The following NAPG variants were observed in gnomAD, a reference collection of about 807,000 sequenced individuals.
NAPG encodes gamma-soluble NSF attachment protein.
NAPG carries 25 observed loss-of-function variants against 48.4 expected under a neutral mutation model. The ratio of observed to expected loss-of-function variants is 0.52; its 90% CI spans 0.38 to 0.72. NAPG has a LOEUF of 0.72. NAPG is among the 30% of genes least tolerant of loss of function. The probability of loss-of-function intolerance (pLI) is 0.00; values close to 1 mark genes in which losing one functional copy is unlikely to be tolerated. For synonymous variants in NAPG, 139 were observed against 127.2 expected (o/e 1.09, Z -0.62); for missense variants, 359 against 372.5 (o/e 0.96, Z 0.30).
At position 10,533,228 on chromosome 18, in the gene NAPG, A is replaced by G. The variant is rs961664384; in HGVS notation, c.210-308A>G. On this transcript the variant is annotated intron_variant, in intron 3 of 11. Transcript: ENST00000322897. ...TTCTTGAGGTGTTTGCAAACTTATC[A>G]ATAAAAAATGTTTCTCTTATTTGCA... 28 of 298,498 alleles carry G rather than the reference A, an allele frequency of 9.4e-5. No individual in the cohort carries two copies. In the East Asian group the frequency reaches 1.5e-3, roughly 16 times the overall value. 18.5% of individuals were successfully genotyped at this position (298,498 alleles called of 1,614,324 possible). A position where few individuals can be genotyped will look rare whatever the true frequency, so the allele number is the denominator to read the frequency against.
chr18:10,539,345 C>T lies in NAPG; in HGVS notation c.259-417C>T, dbSNP rs1243993762. Reference sequence around the variant, plus strand: ...ATGCAGCTGTAAAAAAGAATGAGATCATGTCCTTTGCAGGGACATGGATGA... The same window carrying T: ...ATGCAGCTGTAAAAAAGAATGAGATTATGTCCTTTGCAGGGACATGGATGA... On this transcript the variant is annotated intron_variant, in intron 5 of 11. Coordinates refer to ENST00000322897, the MANE Select transcript of NAPG (RefSeq NM_003826.3). This position sits in a 1 kb window ranked among gnomAD's most constrained non-coding sequence, Gnocchi z 4.7. The T allele has an allele frequency of 5.6e-6, 1 of 179,664 alleles. No homozygotes were observed. Among genetic ancestry groups the T allele is most frequent in the Non-Finnish European group, 1.2e-5 (1 of 84,590 alleles). The allele number at this position is 179,664 out of a possible 1,614,324, so 11.1% of individuals were successfully genotyped here.
At chr18:10,538,446 TACTGCATGGATCAAGCAAAACAC>T (rs1411376882) in intron 5 of NAPG, among the ~76,000 whole-genome samples, 1 of 152,198 alleles carries the variant, frequency 6.6e-6, no homozygotes, top group African/African-American at 2.4e-5. Flanking sequence ...AATTTAAAAA[TACTGCATGGATCAAGCAAAACAC>T]ACTTGGAAGT....
intron 1 of NAPG, 80 bp downstream of exon 1, chr18:10,526,238 G>GCCCTCCCCC: frequency 7.0e-6 from 6 of 858,050 alleles, no homozygotes; most frequent in East Asian, 6.6e-5. Context: ...CCCGGGGGGG[G>GCCCTCCCCC]CGGGAGGGAG....
intron 5 of NAPG, among the ~76,000 whole-genome samples, chr18:10,538,745 T>C (rs1260079529): frequency 6.6e-6 from 1 of 152,242 alleles, no homozygotes; most frequent in African/African-American, 2.4e-5. Flanking sequence ...TAAATATCTT[T>C]ATTGCTATAC....
At chr18:10,526,504 C>T in intron 1 of NAPG, 2 of 291,904 alleles carry the variant, frequency 6.9e-6, no homozygotes, top group Non-Finnish European at 1.3e-5. Flanking sequence ...ATCGGAGGCT[C>T]GTTAGCAGCA....
intron 5 of NAPG, among the ~76,000 whole-genome samples, chr18:10,535,145 T>C (rs1370677262): frequency 3.3e-5 from 5 of 152,250 alleles, no homozygotes; most frequent in African/African-American, 1.2e-4. Context: ...TCTAAAATGG[T>C]AAAAGCTACT....
At chr18:10,538,835 GT>G (rs375389675) in intron 5 of NAPG, among the ~76,000 whole-genome samples, 8,489 of 149,076 alleles carry the variant, frequency 0.057, 700 homozygotes, top group African/African-American at 0.19. Flanking sequence ...TTTTGATTGG[GT>G]TTTTTTTTTC....
chr18:10,530,568 G>A (rs141475023), intron 1 of NAPG, among the ~76,000 whole-genome samples: 164 of 152,116 alleles, frequency 1.1e-3, no homozygotes, highest in African/African-American at 4.0e-3. Context: ...GGAAAACCAC[G>A]TACCTGTGAC....
In NAPG at chr18:10,530,829, GA is replaced by G; in HGVS notation, c.120del (p.Ala41GlnfsTer19). The part of the protein sequence containing the change: ...PDYDSAASEY[G>X]KAAVAFKNAK... The stretch of plus-strand genomic sequence containing the variant: ...TATGACAGTGCCGCTTCTGAATATG[GA>G]AAAGCAGGTATTTTTGACTATAGTC... On this transcript the variant is annotated frameshift_variant, in exon 2 of 12. Coordinates refer to ENST00000322897, the MANE Select transcript of NAPG (RefSeq NM_003826.3). LOFTEE classifies it high-confidence loss of function. The G allele has an allele frequency of 6.3e-7, 1 of 1,581,970 alleles. No individual in the cohort carries two copies. The highest frequency in any genetic ancestry group is 8.6e-7 in the Non-Finnish European group (1 of 1,165,538).
Position 10,526,503 on chromosome 18 carries a change from T to C in NAPG, c.56+345T>C, listed in dbSNP as rs1035837817. ...TGGGGGCTGTCTGTGCATCGGAGGC[T>C]CGTTAGCAGCATCCTTGGCCTCTAC... On this transcript the variant is annotated intron_variant, in intron 1 of 11. Transcript: ENST00000322897. 1.4e-5 allele frequency: 4 copies of C among 294,538 alleles called. No homozygotes were observed. In the East Asian group the frequency reaches 3.0e-4, roughly 22 times the overall value. The allele number at this position is 294,538 out of a possible 1,614,324, so 18.2% of individuals were successfully genotyped here.
intron 1 of NAPG, among the ~76,000 whole-genome samples, chr18:10,530,188 C>CTTTTTTT (rs58597079): frequency 4.5e-5 from 3 of 67,332 alleles, no homozygotes; most frequent in Admixed American, 1.8e-4. Context: ...CGAGTTTTCA[C>CTTTTTTT]TTTTTTTTTT....
rs374201586 is a variant in NAPG at position 10,546,751 on chromosome 18, AG to A, written c.585+348del. Among the ~76,000 whole-genome samples the A allele has an allele frequency of 4.6e-4, 70 of 152,292 alleles. No homozygotes were observed. The highest frequency in any genetic ancestry group is 1.5e-3 in the African/African-American group (62 of 41,550). ...TTGCAGCATTCATTGCCCTGCCCTG[AG>A]AGAAGCCCACAGTTGTGGAGCTGGG... On this transcript the variant is annotated intron_variant, in intron 9 of 11. Transcript: ENST00000322897. This position sits in a 1 kb window ranked among gnomAD's most constrained non-coding sequence, Gnocchi z 4.0.
At chr18:10,533,591 T>C (rs2031974152) in intron 4 of NAPG, 38 bp downstream of exon 4, 3 of 1,552,846 alleles carry the variant, frequency 1.9e-6, no homozygotes, top group Admixed American at 3.8e-5. Flanking sequence ...TTGCAAATTA[T>C]GTTTTAAATG....
Position 10,539,963 on chromosome 18 carries a change from A to T in NAPG, c.369-25A>T. On this transcript the variant is annotated intron_variant, in intron 6 of 11. Transcript: ENST00000322897. The surrounding 1 kb of genome is among the most constrained non-coding windows in gnomAD (Gnocchi z 4.7). ...AAACAAGTTTTCCATTTCTCATATA[A>T]GACATGTTTTCTTGTCTGATTCAGG... 6.2e-7 allele frequency: 1 copy of T among 1,607,826 alleles called. No individual in the cohort carries two copies. Among genetic ancestry groups the T allele is most frequent in the South Asian group, 1.1e-5 (1 of 90,330 alleles).
chr18:10,528,553 G>A (rs2031866312), intron 1 of NAPG, among the ~76,000 whole-genome samples: 1 of 152,234 alleles, frequency 6.6e-6, no homozygotes, highest in Non-Finnish European at 1.5e-5. Context: ...GTCGACTTCA[G>A]GGGAGAGGTG....
intron 1 of NAPG, among the ~76,000 whole-genome samples, chr18:10,527,067 A>G (rs2031830823): frequency 6.6e-6 from 1 of 151,916 alleles, no homozygotes; most frequent in Non-Finnish European, 1.5e-5. Flanking sequence ...GGGCGCCTGT[A>G]GTCCCAGCTA....
chr18:10,531,276 A>G (rs2031922915), intron 2 of NAPG, among the ~76,000 whole-genome samples: 1 of 152,158 alleles, frequency 6.6e-6, no homozygotes, highest in South Asian at 2.1e-4. Context: ...TCTTTTATGA[A>G]CCTCACTTTG....
chr18:10,539,853 C>T lies in NAPG; in HGVS notation c.350C>T (p.Ala117Val), dbSNP rs775659634. 4.3e-6 allele frequency: 7 copies of T among 1,613,972 alleles called. No homozygotes were observed. In the East Asian group the frequency reaches 1.6e-4, roughly 36 times the overall value. The change falls in exon 6 of 12, where the codon GCT (alanine) becomes GTT (valine). Residue 117 changes from alanine (A) to valine (V), a missense_variant. Coordinates refer to ENST00000322897, the MANE Select transcript of NAPG (RefSeq NM_003826.3). The surrounding 1 kb of genome is among the most constrained non-coding windows in gnomAD (Gnocchi z 4.7). ...ENGTPDTAAM[A>V]LERAGKLIEN... Reference sequence around the variant, plus strand: ...GGCACCCCAGACACAGCAGCCATGGCTTTGGAGCGAGCTGGAAAGTGAGTG... The same window carrying T: ...GGCACCCCAGACACAGCAGCCATGGTTTTGGAGCGAGCTGGAAAGTGAGTG...
rs1333106427 is a variant in NAPG, at chr18:10,534,602, A to G, written c.258+106A>G. ...TGAAAAGCTTCCTTACTGTAAGGCA[A>G]GAGGTGCTAAGTTAAGATTTTCTGT... On this transcript the variant is annotated intron_variant, in intron 5 of 11. Transcript: ENST00000322897. This position sits in a 1 kb window ranked among gnomAD's most constrained non-coding sequence, Gnocchi z 5.0. The G allele has an allele frequency of 4.2e-5, 41 of 983,554 alleles. 1 individual carries two copies. The highest frequency in any genetic ancestry group is 1.7e-4 in the Admixed American group (9 of 54,452). The allele number at this position is 983,554 out of a possible 1,614,324, so 60.9% of individuals were successfully genotyped here.
Sources: gnomAD v4.1 joint callset for allele counts (sites outside exome capture counted in the v4.1 genomes callset) on GRCh38, gnomAD v4.1.1 for gene constraint, Gnocchi (gnomAD v3.1) non-coding constraint, MANE v1.5 for transcripts, NCBI Gene and HGNC (gene_info 2026-07-23, HGNC 2026-07-21) for gene names.